GRIA1: variants seen among roughly 807,000 people sequenced by gnomAD.
GRIA1 encodes the protein glutamate ionotropic receptor AMPA type subunit 1.
GRIA1 carries 31 observed loss-of-function variants against 99.2 expected under a neutral mutation model. That is an observed-to-expected ratio of 0.31 (90% CI 0.23 to 0.42). The LOEUF (loss-of-function observed/expected upper bound fraction) is 0.42, where lower values mean the gene tolerates loss of function less well. Among genes scored for constraint, GRIA1 ranks in the 10% least tolerant of loss-of-function variants. The probability of loss-of-function intolerance (pLI) is 1.00; values close to 1 mark genes in which losing one functional copy is unlikely to be tolerated. For synonymous variants in GRIA1, 438 were observed against 432.4 expected, an observed-to-expected ratio of 1.01 and a Z score of -0.16; for missense variants, 782 against 1,157.5, an observed-to-expected ratio of 0.68 and a Z score of 4.71.
chr5:153,678,790 G>A (rs1756768877), intron 7 of GRIA1, among the ~76,000 whole-genome samples: 1 of 152,222 alleles, frequency 6.6e-6, no homozygotes, highest in African/African-American at 2.4e-5. Flanking sequence ...CAGGGTGGCA[G>A]GAAGGACTCT....
At chr5:153,686,070 T>A (rs181741872) in intron 7 of GRIA1, among the ~76,000 whole-genome samples, 155 bp from the exon 8 acceptor site, 65 of 152,326 alleles carry the variant, frequency 4.3e-4, no homozygotes, top group African/African-American at 1.5e-3. Flanking sequence ...ATCCCTTGCC[T>A]GTGGCAAGGG....
intron 2 of GRIA1, among the ~76,000 whole-genome samples, chr5:153,607,072 C>T (rs966572153): frequency 6.9e-4 from 74 of 106,848 alleles, no homozygotes; most frequent in African/African-American, 2.1e-3. Context: ...TATATATAAT[C>T]ACAGTTTCTT....
chr5:153,647,989 T>C (rs1476816391), intron 3 of GRIA1, among the ~76,000 whole-genome samples: 2 of 152,216 alleles, frequency 1.3e-5, no homozygotes, highest in East Asian at 1.9e-4. Context: ...TACCTTCTCA[T>C]TGTATACTAA....
chr5:153,689,098 A>T (rs1757556088), intron 8 of GRIA1, among the ~76,000 whole-genome samples: 2 of 151,590 alleles, frequency 1.3e-5, no homozygotes, highest in Non-Finnish European at 2.9e-5. Flanking sequence ...GTACTATCAT[A>T]GCTCACTATA....
chr5:153,754,823 A>G (rs371188163), intron 11 of GRIA1, among the ~76,000 whole-genome samples: 2 of 152,186 alleles, frequency 1.3e-5, no homozygotes, highest in Admixed American at 6.5e-5. Flanking sequence ...TGGAGATACA[A>G]TGCTACACCA....
chr5:153,600,143 G>A (rs764342073), intron 2 of GRIA1, among the ~76,000 whole-genome samples: 25 of 152,084 alleles, frequency 1.6e-4, no homozygotes, highest in Non-Finnish European at 3.2e-4. Flanking sequence ...TGTAATCCCA[G>A]CACTTTCGGA....
At chr5:153,748,743 C>T (rs1222075712) in intron 11 of GRIA1, among the ~76,000 whole-genome samples, 1 of 151,932 alleles carries the variant, frequency 6.6e-6, no homozygotes, top group Non-Finnish European at 1.5e-5. Flanking sequence ...GTGTTAGGCT[C>T]AAATAGCAGG....
chr5:153,490,947 A>G lies in GRIA1; in HGVS notation c.59A>G (p.Asn20Ser). 1 of 1,614,072 alleles carries G rather than the reference A, an allele frequency of 6.2e-7. No homozygotes were observed. The highest frequency in any genetic ancestry group is 2.2e-5 in the East Asian group (1 of 44,872). ...TTCCTAGGCGCGGTAGTAGGTGCCA[A>G]TTTCCCCAACAATATCCAGATCGGT... ...TGFLGAVVGA[N>S]FPNNIQIGGL... The change falls in exon 1 of 16, where the codon AAT becomes AGT. Residue 20 changes from asparagine to serine, a missense_variant. By Grantham distance (46) the Asn-to-Ser change is conservative. This residue lies in a region of GRIA1 where 461 missense variants were observed against 521.7 expected (regional missense o/e 0.88). Coordinates refer to ENST00000285900, the MANE Select transcript of GRIA1 (RefSeq NM_000827.4).
At chr5:153,801,529 G>A (rs1766025697) in intron 14 of GRIA1, among the ~76,000 whole-genome samples, 1 of 152,208 alleles carries the variant, frequency 6.6e-6, no homozygotes, top group African/African-American at 2.4e-5. Context: ...TAGGAATGAA[G>A]CACCCTTTTC....
rs1029562391 is a variant in GRIA1, at chr5:153,794,491, G to C, written c.2271-130G>C. ...ATTCCTGCAGTGATGTTGGGGGCAG[G>C]GCATCCTCAGGTCAAAGGGCAACCT... is the stretch of plus-strand genomic sequence containing the variant. On this transcript the variant is annotated intron_variant, in intron 13 of 15. Transcript: ENST00000285900. 20 of 681,176 alleles carry C rather than the reference G, an allele frequency of 2.9e-5. No homozygotes were observed. The African/African-American group carries it at 3.2e-4, about 11-fold the overall frequency. The allele number at this position is 681,176 out of a possible 1,614,324, so 42.2% of individuals were successfully genotyped here. A position where few individuals can be genotyped will look rare whatever the true frequency, so the allele number is the denominator to read the frequency against.
At chr5:153,491,095 G>A (rs949883292) in intron 1 of GRIA1, 125 bp downstream of exon 1, 90 of 1,069,632 alleles carry the variant, frequency 8.4e-5, no homozygotes, top group African/African-American at 1.7e-4. Context: ...GCTGTGCTGC[G>A]GTAACAGAAG....
At chr5:153,624,275 T>G (rs1468051589) in intron 2 of GRIA1, among the ~76,000 whole-genome samples, 1 of 152,246 alleles carries the variant, frequency 6.6e-6, no homozygotes, top group Non-Finnish European at 1.5e-5. Flanking sequence ...ATGTTGTGAA[T>G]GATCACTTCT....
intron 2 of GRIA1, among the ~76,000 whole-genome samples, chr5:153,625,367 A>G: frequency 6.6e-6 from 1 of 152,150 alleles, no homozygotes; most frequent in East Asian, 1.9e-4. Flanking sequence ...GTCTCTAAGG[A>G]GCCTTTCTAG....
intron 7 of GRIA1, among the ~76,000 whole-genome samples, chr5:153,678,931 G>A (rs1756782153): frequency 6.6e-6 from 1 of 152,194 alleles, no homozygotes; most frequent in Admixed American, 6.5e-5. Flanking sequence ...GGGGTGGAGA[G>A]AGGACCTCAA....
rs139655888 is a variant in GRIA1, at chr5:153,794,718, G to A, written c.2368G>A (p.Gly790Arg). 1.2e-4 allele frequency: 199 copies of A among 1,611,536 alleles called. No individual in the cohort carries two copies. The highest frequency in any genetic ancestry group is 1.5e-4 in the Non-Finnish European group (174 of 1,177,914). Residue 790 changes from glycine (G) to arginine (R), a missense_variant, in exon 14 of 16, where the codon GGG (glycine) becomes AGG (arginine). Physicochemically the swap from Gly to Arg is moderately radical, Grantham distance 125. Transcript: ENST00000285900. ...WWYDKGECGS[G>R]GGDSKDKTSA... ...GTACGACAAGGGCGAGTGCGGCAGC[G>A]GGGGAGGTGATTCCAAGGTCAGCCC...
intron 2 of GRIA1, among the ~76,000 whole-genome samples, chr5:153,577,818 A>G (rs1369033992): frequency 6.6e-6 from 1 of 152,200 alleles, no homozygotes; most frequent in Non-Finnish European, 1.5e-5. Flanking sequence ...GGTAAGAGAG[A>G]AAAATTAAAT....
intron 2 of GRIA1, among the ~76,000 whole-genome samples, chr5:153,527,394 T>C (rs1757699485): frequency 6.6e-6 from 1 of 152,200 alleles, no homozygotes; most frequent in African/African-American, 2.4e-5. Context: ...TGGAAATTAA[T>C]TATGGTTTAA....
At chr5:153,491,026 T>C (rs565934520) in intron 1 of GRIA1, 56 bp downstream of exon 1, 5 of 1,510,238 alleles carry the variant, frequency 3.3e-6, no homozygotes, top group Non-Finnish European at 4.6e-6. Flanking sequence ...GGGATTTTTT[T>C]GGGGATAGGG....
chr5:153,764,766 C>T (rs938009686), intron 12 of GRIA1, 134 bp downstream of exon 12: 6 of 645,266 alleles, frequency 9.3e-6, no homozygotes, highest in South Asian at 1.9e-5. Flanking sequence ...GTCAGGGAAA[C>T]TCAGGACATT....
Sources: allele counts gnomAD v4.1 joint callset (sites outside exome capture counted in the v4.1 genomes callset), GRCh38; gene constraint gnomAD v4.1.1; regional missense constraint gnomAD v4.1.1; transcripts MANE v1.5; gene names NCBI Gene and HGNC (gene_info 2026-07-23, HGNC 2026-07-21).